DNAH14: variants seen among roughly 807,000 people sequenced by gnomAD.
DNAH14 encodes the protein axonemal beta dynein heavy chain 14.
Under a neutral mutation model 520.9 loss-of-function variants are expected in DNAH14, and 478 were observed. The ratio of observed to expected loss-of-function variants is 0.92; its 90% CI spans 0.85 to 0.99. The LOEUF (loss-of-function observed/expected upper bound fraction) is 0.99, where lower values mean the gene tolerates loss of function less well. DNAH14 is among the 50% of genes least tolerant of loss of function. The pLI is 0.00. For synonymous variants in DNAH14, 1,581 were observed against 1,757.2 expected, an observed-to-expected ratio of 0.90 and a Z score of 2.51; for missense variants, 4,831 against 5,234.5, an observed-to-expected ratio of 0.92 and a Z score of 2.38.
chr1:224,983,979 A>G (rs745861583), intron 8 of DNAH14, among the ~76,000 whole-genome samples: 1 of 152,204 alleles, frequency 6.6e-6, no homozygotes, highest in Non-Finnish European at 1.5e-5. Flanking sequence ...AAAGCAATCT[A>G]CAAATTCAAC....
intron 7 of DNAH14, among the ~76,000 whole-genome samples, chr1:224,972,000 T>A (rs980334910): frequency 5.9e-5 from 9 of 152,226 alleles, no homozygotes; most frequent in African/African-American, 2.2e-4. Flanking sequence ...ATCTTTTTAT[T>A]TGAAACTCTG....
rs1420948189 is a variant in DNAH14 at position 225,147,379 on chromosome 1, A to G, written c.4940+130A>G. On this transcript the variant is annotated intron_variant, in intron 31 of 85. Transcript: ENST00000682510. ...GGGGTGTTTTTTTTTTAAAGCACAT[A>G]CCAAAAGGAATGGCAGTTACCTTGA... is the stretch of plus-strand genomic sequence containing the variant. 3.3e-6 allele frequency: 3 copies of G among 902,022 alleles called. No individual in the cohort carries two copies. In the African/African-American group the frequency reaches 5.2e-5, roughly 16 times the overall value. 55.9% of individuals were successfully genotyped at this position (902,022 alleles called of 1,614,324 possible).
At chr1:225,086,657 C>G (rs1162992656) in intron 21 of DNAH14, among the ~76,000 whole-genome samples, 1 of 151,156 alleles carries the variant, frequency 6.6e-6, no homozygotes, top group African/African-American at 2.4e-5. Flanking sequence ...GGAAAAAACT[C>G]AATAAATTAC....
At chr1:225,283,798 A>G (rs2093678733) in intron 54 of DNAH14, among the ~76,000 whole-genome samples, 1 of 152,182 alleles carries the variant, frequency 6.6e-6, no homozygotes. Context: ...AACAAGCCTC[A>G]GTAAATTTCA....
chr1:224,966,511 T>G (rs1382581129), intron 5 of DNAH14, among the ~76,000 whole-genome samples: 2 of 152,128 alleles, frequency 1.3e-5, no homozygotes, highest in African/African-American at 4.8e-5. Flanking sequence ...AAATTTTCCT[T>G]AAAATTTTCC....
chr1:225,259,337 A>T, intron 46 of DNAH14, 84 bp downstream of exon 46: 1 of 1,018,474 alleles, frequency 9.8e-7, no homozygotes, highest in Non-Finnish European at 1.3e-6. Flanking sequence ...TTTTAAAAAA[A>T]GCAAATCTGT....
intron 23 of DNAH14, among the ~76,000 whole-genome samples, chr1:225,116,165 G>T (rs2076857815): frequency 6.6e-6 from 1 of 152,182 alleles, no homozygotes; most frequent in Non-Finnish European, 1.5e-5. Context: ...AGATAAAACA[G>T]GTTGCAGATG....
At chr1:225,156,709 CTTTTTTTTT>C (rs71170061) in intron 34 of DNAH14, among the ~76,000 whole-genome samples, 1 of 68,164 alleles carries the variant, frequency 1.5e-5, no homozygotes, top group Admixed American at 2.0e-4. Flanking sequence ...TCTTAAAATT[CTTTTTTTTT>C]TTTTTTTTTT....
At chr1:225,352,659 TC>T (rs982198022) in intron 72 of DNAH14, among the ~76,000 whole-genome samples, 9 of 152,074 alleles carry the variant, frequency 5.9e-5, no homozygotes, top group African/African-American at 1.7e-4. Flanking sequence ...AAGTTTAAAC[TC>T]CCATTAGTGT....
intron 9 of DNAH14, among the ~76,000 whole-genome samples, chr1:225,006,402 A>G (rs1365924104): frequency 6.6e-6 from 1 of 152,180 alleles, no homozygotes; most frequent in African/African-American, 2.4e-5. Flanking sequence ...GGCAGAACAG[A>G]GTCATATTTC....
In DNAH14 at chr1:224,929,719, G is replaced by C. The variant is rs1250431385; in HGVS notation, c.-150G>C. ...GAGGCGTCGGAGCCTGGCGTGGTAG[G>C]GCTGTGCTGCGCGGTCCTTCCCATT... On this transcript the variant is annotated 5_prime_UTR_variant, in exon 1 of 86. Transcript: ENST00000682510. 4.3e-6 allele frequency: 3 copies of C among 702,302 alleles called. No individual in the cohort carries two copies. The highest frequency in any genetic ancestry group is 7.8e-6 in the Non-Finnish European group (3 of 384,850). The allele number at this position is 702,302 out of a possible 1,614,324, so 43.5% of individuals were successfully genotyped here.
intron 23 of DNAH14, 142 bp downstream of exon 23, chr1:225,101,026 C>T (rs1009500617): frequency 1.7e-6 from 1 of 576,998 alleles, no homozygotes; most frequent in Admixed American, 4.1e-5. Flanking sequence ...CTCTCACTAC[C>T]TATAGAGTTA....
At position 225,098,121 on chromosome 1, in the gene DNAH14, C is replaced by T. The variant is rs149746038; in HGVS notation, c.3695+882C>T. On this transcript the variant is annotated intron_variant, in intron 22 of 85. Coordinates refer to ENST00000682510, the MANE Select transcript of DNAH14 (RefSeq NM_001367479.1). ...TTGAGGTGAGAGGACGGCTTGGATC[C>T]AGAAGGCCATGGCTGCAATAAGCCG... 1.0e-3 allele frequency among the ~76,000 whole-genome samples: 154 copies of T among 152,022 alleles called. 5 individuals carry two copies. In the East Asian group the frequency reaches 0.029, roughly 28 times the overall value.
chr1:225,358,685 T>C (rs2095458678), intron 74 of DNAH14, 33 bp downstream of exon 74: 1 of 1,538,864 alleles, frequency 6.5e-7, no homozygotes, highest in African/African-American at 1.4e-5. Context: ...AGATGATCGA[T>C]ATGGTTTGGC....
At position 225,374,859 on chromosome 1, in the gene DNAH14, GA is replaced by G. The variant is rs750783443; in HGVS notation, c.12491del (p.Asp4164ValfsTer20). 6.4e-7 allele frequency: 1 copy of G among 1,550,466 alleles called. No individual in the cohort carries two copies. Among genetic ancestry groups the G allele is most frequent in the African/African-American group, 1.4e-5 (1 of 73,038 alleles). ...ATTTTGTAATCCTGAAGTGCTGAAA[GA>G]TGACTTCAGTTTCTCCAGTGATGGG... The part of the protein sequence containing the change: ...YKFCNPEVLK[D>X]DFSFSSDGIC... On this transcript the variant is annotated frameshift_variant, in exon 78 of 86. Transcript: ENST00000682510. LOFTEE classifies it high-confidence loss of function.
intron 71 of DNAH14, 76 bp downstream of exon 71, chr1:225,346,730 T>C: frequency 8.9e-7 from 1 of 1,118,668 alleles, no homozygotes; most frequent in South Asian, 1.7e-5. Context: ...GTGCTCCAAG[T>C]CAATGCCTCT....
At chr1:225,185,007 G>T (rs1347740471) in intron 36 of DNAH14, among the ~76,000 whole-genome samples, 1 of 151,782 alleles carries the variant, frequency 6.6e-6, no homozygotes, top group Non-Finnish European at 1.5e-5. Context: ...CTCTGTACCT[G>T]TTATTAAAAT....
At chr1:225,004,694 A>C (rs1298461405) in intron 9 of DNAH14, among the ~76,000 whole-genome samples, 1 of 152,096 alleles carries the variant, frequency 6.6e-6, no homozygotes, top group Non-Finnish European at 1.5e-5. Context: ...TAGATGGAGG[A>C]AGAGTGGAGA....
At chr1:225,009,376 T>C (rs191759207) in intron 10 of DNAH14, among the ~76,000 whole-genome samples, 4 of 152,022 alleles carry the variant, frequency 2.6e-5, no homozygotes, top group Non-Finnish European at 1.5e-5. Context: ...TTTCCCCATT[T>C]CTTGTTTTTG....
Sources: allele counts gnomAD v4.1 joint callset (sites outside exome capture counted in the v4.1 genomes callset), GRCh38; gene constraint gnomAD v4.1.1; transcripts MANE v1.5; gene names NCBI Gene and HGNC (gene_info 2026-07-23, HGNC 2026-07-21).